Variants in MACROH2A2 observed in about 807,000 individuals in gnomAD.
MACROH2A2 encodes the protein macroH2A.2 histone, also known as core histone macro-H2A.2.
MACROH2A2 carries 6 observed loss-of-function variants against 37.6 expected under a neutral mutation model. The observed-to-expected ratio is 0.16, with a 90% confidence interval of 0.09 to 0.32. MACROH2A2 has a LOEUF of 0.32. Among genes scored for constraint, MACROH2A2 ranks in the 10% least tolerant of loss-of-function variants. The probability of loss-of-function intolerance (pLI) is 1.00; values close to 1 mark genes in which losing one functional copy is unlikely to be tolerated. For synonymous variants in MACROH2A2, 192 were observed against 202.7 expected, an observed-to-expected ratio of 0.95 and a Z score of 0.45; for missense variants, 290 against 485.9, an observed-to-expected ratio of 0.60 and a Z score of 3.79.
chr10:70,105,709 A>G (rs1016146916), intron 7 of MACROH2A2, among the ~76,000 whole-genome samples: 9 of 151,322 alleles, frequency 5.9e-5, no homozygotes, highest in African/African-American at 1.5e-4. Context: ...GGGCCCGAAG[A>G]CCATCAAGAA....
At chr10:70,090,588 C>A (rs764515141) in intron 3 of MACROH2A2, among the ~76,000 whole-genome samples, 1 of 152,196 alleles carries the variant, frequency 6.6e-6, no homozygotes, top group Non-Finnish European at 1.5e-5. Context: ...TTTTCACCTA[C>A]AGTATATGTA....
At chr10:70,054,186 G>A (rs565830462) in intron 1 of MACROH2A2, among the ~76,000 whole-genome samples, 9 of 152,400 alleles carry the variant, frequency 5.9e-5, no homozygotes, top group Admixed American at 3.3e-4. Context: ...GCCTGACTGA[G>A]GCCTGGTCCT....
At chr10:70,054,704 C>T (rs971649646) in intron 1 of MACROH2A2, among the ~76,000 whole-genome samples, 1 of 152,228 alleles carries the variant, frequency 6.6e-6, no homozygotes, top group Non-Finnish European at 1.5e-5. Flanking sequence ...ATGTTAAGAG[C>T]TCCAAGATTT....
intron 2 of MACROH2A2, among the ~76,000 whole-genome samples, chr10:70,081,493 A>G (rs956923971): frequency 2.6e-5 from 4 of 152,102 alleles, no homozygotes; most frequent in Admixed American, 2.6e-4. Context: ...GGCTGAGGAA[A>G]GCCAGAGGGT....
intron 5 of MACROH2A2, among the ~76,000 whole-genome samples, chr10:70,094,828 A>G (rs1319079712): frequency 1.3e-5 from 2 of 152,308 alleles, no homozygotes; most frequent in East Asian, 3.9e-4. Flanking sequence ...TGTGGTCTCC[A>G]AAGGGCAAGG....
rs909506732 is a variant in MACROH2A2 at position 70,107,810 on chromosome 10, T to C, written c.779-1223T>C. On this transcript the variant is annotated intron_variant, in intron 7 of 8. Transcript: ENST00000373255. This position sits in a 1 kb window ranked among gnomAD's most constrained non-coding sequence, Gnocchi z 4.4. ...ACAATCAAGTTCAGTGGTTCTCAACTCATAGAAGGTCCTAAAATCACATAA... is the reference window on the plus strand; with the variant it reads ...ACAATCAAGTTCAGTGGTTCTCAACCCATAGAAGGTCCTAAAATCACATAA... Among the ~76,000 whole-genome samples, 1 of 152,100 alleles carries C rather than the reference T, an allele frequency of 6.6e-6. No individual in the cohort carries two copies. Among genetic ancestry groups the C allele is most frequent in the Non-Finnish European group, 1.5e-5 (1 of 68,018 alleles).
chr10:70,109,244 T>G, intron 8 of MACROH2A2, 37 bp downstream of exon 8: 1 of 1,576,896 alleles, frequency 6.3e-7, no homozygotes, highest in Non-Finnish European at 8.7e-7. Context: ...TCCTCCGGCT[T>G]TTTCCCTGGA....
In MACROH2A2 at chr10:70,100,238, A is replaced by T; in HGVS notation, c.719A>T (p.Glu240Val). 1 of 1,611,000 alleles carries T rather than the reference A, an allele frequency of 6.2e-7. No homozygotes were observed. The highest frequency in any genetic ancestry group is 8.5e-7 in the Non-Finnish European group (1 of 1,177,392). The change falls in exon 7 of 9, where the codon GAG (glutamate) becomes GTG (valine). Residue 240 changes from glutamate to valine, a missense_variant. Around this residue, in one of 3 missense-constraint regions of MACROH2A2, gnomAD observed 130 missense variants for 257.1 expected, o/e 0.51. Transcript: ENST00000373255. ...GKALEKAGGK[E>V]FLETVKELRK... is the part of the protein sequence containing the mutation. The stretch of plus-strand genomic sequence containing the variant: ...GCCTTGGAAAAGGCTGGGGGAAAAG[A>T]GTTCTTGGAAACGGTAAAGGAGCTT...
chr10:70,076,982 C>G (rs1457945190), intron 2 of MACROH2A2, among the ~76,000 whole-genome samples: 1 of 143,732 alleles, frequency 7.0e-6, no homozygotes, highest in East Asian at 2.0e-4. Flanking sequence ...CCAGGCAGAC[C>G]TCTGCATCAT....
intron 2 of MACROH2A2, among the ~76,000 whole-genome samples, chr10:70,076,988 A>C (rs2072143707): frequency 7.3e-6 from 1 of 136,998 alleles, no homozygotes; most frequent in Non-Finnish European, 1.6e-5. Flanking sequence ...AGACCTCTGC[A>C]TCATGAGCCT....
At chr10:70,069,700 CT>C (rs2072098177) in intron 1 of MACROH2A2, among the ~76,000 whole-genome samples, 1 of 152,042 alleles carries the variant, frequency 6.6e-6, no homozygotes, top group Admixed American at 6.5e-5. Context: ...CAGGCTAATA[CT>C]TAAATGTAAA....
Position 70,086,982 on chromosome 10 carries a change from G to C in MACROH2A2, c.173-3078G>C, listed in dbSNP as rs9730760. ...GAGGTAGGAGGACCACTTAAGCCCAGGAGTTTGAGACCAGCCTGGACAACA... is the reference window on the plus strand; with the variant it reads ...GAGGTAGGAGGACCACTTAAGCCCACGAGTTTGAGACCAGCCTGGACAACA... On this transcript the variant is annotated intron_variant, in intron 2 of 8. Transcript: ENST00000373255. 7.0e-3 allele frequency among the ~76,000 whole-genome samples: 1,070 copies of C among 152,264 alleles called. 14 individuals carry two copies. Among genetic ancestry groups the C allele is most frequent in the South Asian group, 0.022 (104 of 4,822 alleles).
chr10:70,057,562 C>T (rs1309643252), intron 1 of MACROH2A2, among the ~76,000 whole-genome samples: 1 of 152,184 alleles, frequency 6.6e-6, no homozygotes, highest in African/African-American at 2.4e-5. Flanking sequence ...TGAGGGTTCT[C>T]AGCAGATGAT....
At chr10:70,072,261 T>A (rs954805868) in intron 1 of MACROH2A2, among the ~76,000 whole-genome samples, 4 of 151,908 alleles carry the variant, frequency 2.6e-5, no homozygotes, top group Non-Finnish European at 5.9e-5. Flanking sequence ...TCTATTAAAA[T>A]TTTTTTTAAC....
intron 1 of MACROH2A2, among the ~76,000 whole-genome samples, chr10:70,064,538 A>T (rs1688187189): frequency 6.6e-6 from 1 of 152,036 alleles, no homozygotes; most frequent in Non-Finnish European, 1.5e-5. Context: ...TCCACATCTC[A>T]ACTTGAATTG....
intron 1 of MACROH2A2, among the ~76,000 whole-genome samples, chr10:70,055,463 C>T (rs936840470): frequency 2.6e-5 from 4 of 152,090 alleles, no homozygotes; most frequent in South Asian, 4.1e-4. Context: ...AGACTGGTCT[C>T]GAAATCCTGG....
At chr10:70,070,999 A>ATGTGCG (rs2072106346) in intron 1 of MACROH2A2, among the ~76,000 whole-genome samples, 1 of 148,900 alleles carries the variant, frequency 6.7e-6, no homozygotes, top group African/African-American at 2.5e-5. Context: ...GTGCATGTGC[A>ATGTGCG]TGTGTGTGTG....
At chr10:70,079,552 CG>C (rs2072161247) in intron 2 of MACROH2A2, among the ~76,000 whole-genome samples, 2 of 90,708 alleles carry the variant, frequency 2.2e-5, no homozygotes, top group African/African-American at 1.1e-4. Flanking sequence ...GTTGAGGGTT[CG>C]CGCGCGCGCG....
intron 2 of MACROH2A2, among the ~76,000 whole-genome samples, chr10:70,086,666 G>GT (rs2072213744): frequency 6.6e-6 from 1 of 152,134 alleles, no homozygotes; most frequent in South Asian, 2.1e-4. Context: ...CTAAATGCAG[G>GT]TAACAGGAGA....
Sources: gnomAD v4.1 joint callset for allele counts (sites outside exome capture counted in the v4.1 genomes callset) on GRCh38, gnomAD v4.1.1 for gene constraint, gnomAD v4.1.1 regional missense constraint, Gnocchi (gnomAD v3.1) non-coding constraint, MANE v1.5 for transcripts, NCBI Gene and HGNC (gene_info 2026-07-23, HGNC 2026-07-21) for gene names.